The following ZNRF2 variants were observed in gnomAD, a reference collection of about 807,000 sequenced individuals.
The protein encoded by ZNRF2 is E3 ubiquitin-protein ligase ZNRF2.
Under a neutral mutation model 20.4 loss-of-function variants are expected in ZNRF2, and 16 were observed. The observed-to-expected ratio is 0.79, with a 90% CI of 0.53 to 1.19. ZNRF2 has a LOEUF of 1.19. ZNRF2 is among the 50% of genes most tolerant of loss of function. The pLI is 0.00. For synonymous variants in ZNRF2, 178 were observed against 144.9 expected (o/e 1.23, Z -1.64); for missense variants, 363 against 332.4 (o/e 1.09, Z -0.72).
chr7:30,326,940 A>G lies in ZNRF2; in HGVS notation c.565+3203A>G, dbSNP rs117905431. Among the ~76,000 whole-genome samples the G allele has an allele frequency of 5.0e-3, 762 of 152,098 alleles. 8 individuals are homozygous for G. The highest frequency in any genetic ancestry group is 0.01 in the Middle Eastern group (3 of 294). On this transcript the variant is annotated intron_variant, in intron 2 of 4. Transcript: ENST00000323037. ...TTGGCCACATTTATGTCTTCTTTTG[A>G]AAAGTGTTCATCTCCTTTGCACATT...
At chr7:30,302,031 A>C (rs1378915835) in intron 1 of ZNRF2, among the ~76,000 whole-genome samples, 1 of 152,212 alleles carries the variant, frequency 6.6e-6, no homozygotes, top group African/African-American at 2.4e-5. Flanking sequence ...GGAATTTGAG[A>C]ACACTGATAC....
chr7:30,362,696 C>T (rs960726645), intron 4 of ZNRF2, among the ~76,000 whole-genome samples: 30 of 152,052 alleles, frequency 2.0e-4, no homozygotes, highest in African/African-American at 7.0e-4. Flanking sequence ...AGGTGGATCA[C>T]TTGAGGCCAA....
At chr7:30,344,016 T>C (rs762934833) in intron 2 of ZNRF2, among the ~76,000 whole-genome samples, 1 of 150,158 alleles carries the variant, frequency 6.7e-6, no homozygotes, top group Non-Finnish European at 1.5e-5. Flanking sequence ...GCCTCCCAGG[T>C]TCAAGCGATT....
chr7:30,297,662 T>C (rs755732615), intron 1 of ZNRF2, among the ~76,000 whole-genome samples: 4 of 152,168 alleles, frequency 2.6e-5, no homozygotes, highest in African/African-American at 4.8e-5. Context: ...TTATTACATG[T>C]CTTGGGAGGG....
At chr7:30,344,221 C>G (rs1799842280) in intron 2 of ZNRF2, among the ~76,000 whole-genome samples, 2 of 150,084 alleles carry the variant, frequency 1.3e-5, no homozygotes, top group South Asian at 2.1e-4. Context: ...TGCGCCCGGC[C>G]CCAGCTCTTG....
At chr7:30,354,448 A>G (rs546603097) in intron 2 of ZNRF2, among the ~76,000 whole-genome samples, 4 of 152,274 alleles carry the variant, frequency 2.6e-5, no homozygotes, top group East Asian at 1.9e-4. Flanking sequence ...TGTAGACCAA[A>G]TAGAGTCTGT....
At chr7:30,365,147 CTTT>C (rs533354831) in intron 4 of ZNRF2, among the ~76,000 whole-genome samples, 2 of 70,330 alleles carry the variant, frequency 2.8e-5, no homozygotes. Flanking sequence ...AGCTGATAAG[CTTT>C]TTTTTTTTTT....
At chr7:30,305,670 C>G (rs1052193740) in intron 1 of ZNRF2, among the ~76,000 whole-genome samples, 8 of 152,056 alleles carry the variant, frequency 5.3e-5, no homozygotes, top group African/African-American at 1.9e-4. Context: ...ATTCTTATAG[C>G]AGTGTTGTAG....
intron 2 of ZNRF2, among the ~76,000 whole-genome samples, chr7:30,347,120 C>G (rs1442109518): frequency 6.6e-6 from 1 of 152,024 alleles, no homozygotes; most frequent in Non-Finnish European, 1.5e-5. Context: ...TGGTGTGATT[C>G]CCCCTCATCC....
intron 1 of ZNRF2, among the ~76,000 whole-genome samples, chr7:30,312,485 A>C (rs1402505576): frequency 6.6e-6 from 1 of 152,172 alleles, no homozygotes; most frequent in African/African-American, 2.4e-5. Flanking sequence ...TTGAGTACTA[A>C]GGAGAAAATT....
At chr7:30,343,871 G>T in intron 2 of ZNRF2, among the ~76,000 whole-genome samples, 1 of 130,388 alleles carries the variant, frequency 7.7e-6, no homozygotes, top group African/African-American at 2.9e-5. Flanking sequence ...TATACTTTCT[G>T]GTTTCATGAC....
chr7:30,325,873 T>A (rs1799542901), intron 2 of ZNRF2, among the ~76,000 whole-genome samples: 1 of 152,214 alleles, frequency 6.6e-6, no homozygotes, highest in South Asian at 2.1e-4. Flanking sequence ...AAATAGAAAG[T>A]GTTCTCATTC....
rs185464549 is a variant in ZNRF2 at position 30,287,079 on chromosome 7, A to G, written c.469+1253A>G. 1.2e-3 allele frequency among the ~76,000 whole-genome samples: 186 copies of G among 152,300 alleles called. 1 individual carries two copies. Among genetic ancestry groups the G allele is most frequent in the African/African-American group, 4.2e-3 (176 of 41,562 alleles). On this transcript the variant is annotated intron_variant, in intron 1 of 4. Transcript: ENST00000323037. Reference sequence around the variant, plus strand: ...AACGACGCTTGACTTTTAATTAGCTACCTTGTTTTAAAGTAATTTTTGCTT... The same window carrying G: ...AACGACGCTTGACTTTTAATTAGCTGCCTTGTTTTAAAGTAATTTTTGCTT...
Position 30,363,003 on chromosome 7 carries a change from C to T in ZNRF2, c.*22+547C>T, listed in dbSNP as rs933944083. On this transcript the variant is annotated intron_variant, in intron 4 of 4. Transcript: ENST00000323037. ...AGGCCTGGTGGCGGGTGCCTGTAGT[C>T]CCAGCTGCTTGGGAGGCTGAGGCAG... Among the ~76,000 whole-genome samples the T allele has an allele frequency of 3.9e-5, 6 of 152,284 alleles. 1 individual carries two copies. Among genetic ancestry groups the T allele is most frequent in the African/African-American group, 1.4e-4 (6 of 41,584 alleles).
chr7:30,348,082 G>A (rs958200165), intron 2 of ZNRF2, among the ~76,000 whole-genome samples: 7 of 151,160 alleles, frequency 4.6e-5, no homozygotes, highest in Admixed American at 2.6e-4. Context: ...AGCATTTATT[G>A]GTAAACTTGG....
intron 1 of ZNRF2, among the ~76,000 whole-genome samples, chr7:30,317,759 C>CTATA (rs958736229): frequency 7.2e-5 from 11 of 152,276 alleles, no homozygotes; most frequent in African/African-American, 2.6e-4. Flanking sequence ...CCACTTAGAC[C>CTATA]TATATTCTCT....
chr7:30,318,020 C>T (rs1031069258), intron 1 of ZNRF2, among the ~76,000 whole-genome samples: 7 of 152,070 alleles, frequency 4.6e-5, no homozygotes, highest in African/African-American at 1.7e-4. Flanking sequence ...TGATTATTGC[C>T]TTCTGGAAAT....
At chr7:30,299,146 C>T (rs572128398) in intron 1 of ZNRF2, among the ~76,000 whole-genome samples, 2 of 151,710 alleles carry the variant, frequency 1.3e-5, no homozygotes, top group Admixed American at 6.6e-5. Flanking sequence ...TGGATGATGC[C>T]CCTGGGCGTG....
chr7:30,287,028 T>A (rs764934252), intron 1 of ZNRF2, among the ~76,000 whole-genome samples: 30 of 152,350 alleles, frequency 2.0e-4, no homozygotes, highest in Non-Finnish European at 3.4e-4. Context: ...CCCATTTTTT[T>A]AGTAACGCTT....
Sources: allele counts gnomAD v4.1 joint callset (sites outside exome capture counted in the v4.1 genomes callset), GRCh38; gene constraint gnomAD v4.1.1; transcripts MANE v1.5; gene names NCBI Gene and HGNC (gene_info 2026-07-23, HGNC 2026-07-21).